CSMD1: variants seen among roughly 807,000 people sequenced by gnomAD.
CSMD1 encodes CUB and Sushi multiple domains 1.
Under a neutral mutation model 417.5 loss-of-function variants are expected in CSMD1, and 213 were observed. The ratio of observed to expected loss-of-function variants is 0.51; its 90% CI spans 0.46 to 0.57. The LOEUF is 0.57. Ranked by LOEUF, CSMD1 falls within the 20% of genes least tolerant of loss-of-function variation. CSMD1 has a pLI of 0.00. For synonymous variants in CSMD1, 2,862 were observed against 1,736.8 expected (o/e 1.65, Z -16.11); for missense variants, 6,923 against 4,529.7 (o/e 1.53, Z -15.17).
intron 1 of CSMD1, among the ~76,000 whole-genome samples, chr8:4,786,213 T>G (rs1797394520): frequency 2.6e-5 from 4 of 152,198 alleles, no homozygotes; most frequent in Admixed American, 2.6e-4. Flanking sequence ...GAATCTTATT[T>G]CACCAATTCA....
At chr8:4,379,883 T>C (rs898225852) in intron 3 of CSMD1, among the ~76,000 whole-genome samples, 3 of 152,202 alleles carry the variant, frequency 2.0e-5, no homozygotes, top group African/African-American at 7.2e-5. Flanking sequence ...GGCATGCTGA[T>C]GGAAGCCGTG....
intron 51 of CSMD1, among the ~76,000 whole-genome samples, chr8:3,021,524 T>C (rs1192272462): frequency 6.6e-6 from 1 of 152,226 alleles, no homozygotes; most frequent in Non-Finnish European, 1.5e-5. Context: ...TTGCCTTTTT[T>C]TCATTTCATT....
intron 5 of CSMD1, among the ~76,000 whole-genome samples, chr8:3,971,220 C>T (rs1813064480): frequency 6.6e-6 from 1 of 152,180 alleles, no homozygotes; most frequent in East Asian, 1.9e-4. Flanking sequence ...GGCGCTGCTT[C>T]TGCCTACAGA....
At chr8:3,785,557 A>G (rs1177776039) in intron 5 of CSMD1, among the ~76,000 whole-genome samples, 2 of 152,232 alleles carry the variant, frequency 1.3e-5, no homozygotes, top group African/African-American at 4.8e-5. Context: ...GCTTGAAGGG[A>G]GAGGTAAGCG....
intron 3 of CSMD1, among the ~76,000 whole-genome samples, chr8:4,332,922 A>C (rs954156820): frequency 6.8e-6 from 1 of 146,680 alleles, no homozygotes; most frequent in African/African-American, 2.6e-5. Flanking sequence ...CTTTACTATC[A>C]CATTTTTTTC....
At chr8:3,404,267 G>A (rs548942034) in intron 15 of CSMD1, among the ~76,000 whole-genome samples, 33 of 152,056 alleles carry the variant, frequency 2.2e-4, no homozygotes, top group Admixed American at 1.0e-3. Flanking sequence ...TCTGGGAGGC[G>A]GAGGTTGCAG....
At chr8:4,615,285 C>T (rs760626675) in intron 2 of CSMD1, among the ~76,000 whole-genome samples, 2 of 152,198 alleles carry the variant, frequency 1.3e-5, no homozygotes, top group South Asian at 4.1e-4. Flanking sequence ...ATGAAATAAT[C>T]TCTTCACATT....
At chr8:3,668,017 A>T (rs1211479047) in intron 7 of CSMD1, among the ~76,000 whole-genome samples, 4 of 152,124 alleles carry the variant, frequency 2.6e-5, no homozygotes, top group Non-Finnish European at 5.9e-5. Flanking sequence ...CCTCAGAGCA[A>T]GCTGGCTTCT....
intron 2 of CSMD1, among the ~76,000 whole-genome samples, chr8:4,460,947 C>A (rs1409282847): frequency 2.0e-5 from 3 of 151,000 alleles, no homozygotes; most frequent in Non-Finnish European, 4.4e-5. Flanking sequence ...ATATCAAAGC[C>A]AGACATAGTT....
intron 2 of CSMD1, among the ~76,000 whole-genome samples, chr8:4,533,420 G>C (rs1022489592): frequency 2.0e-5 from 3 of 152,140 alleles, no homozygotes; most frequent in Non-Finnish European, 2.9e-5. Context: ...ACAAAAAAGG[G>C]GACTTTTGCT....
At chr8:3,115,985 T>A (rs530189828) in intron 42 of CSMD1, among the ~76,000 whole-genome samples, 2 of 152,198 alleles carry the variant, frequency 1.3e-5, no homozygotes, top group African/African-American at 4.8e-5. Flanking sequence ...ACATGTTACA[T>A]GAAGATACTG....
At chr8:3,721,192 C>T (rs891379863) in intron 6 of CSMD1, among the ~76,000 whole-genome samples, 3 of 152,174 alleles carry the variant, frequency 2.0e-5, no homozygotes, top group East Asian at 1.9e-4. Flanking sequence ...CCAGCCTCTG[C>T]GTGATTTTCA....
At chr8:4,691,594 C>G (rs1036311385) in intron 1 of CSMD1, among the ~76,000 whole-genome samples, 8 of 152,172 alleles carry the variant, frequency 5.3e-5, no homozygotes, top group Admixed American at 5.2e-4. Context: ...ACTTCTCCTT[C>G]CAGGAACTGT....
intron 26 of CSMD1, among the ~76,000 whole-genome samples, chr8:3,254,547 C>G (rs1472634869): frequency 2.0e-5 from 3 of 152,144 alleles, no homozygotes; most frequent in African/African-American, 7.2e-5. Context: ...CACATAGTCC[C>G]ATATTTCTTG....
chr8:4,111,618 A>G (rs1451337225), intron 3 of CSMD1, among the ~76,000 whole-genome samples: 2 of 152,164 alleles, frequency 1.3e-5, no homozygotes, highest in Non-Finnish European at 2.9e-5. Flanking sequence ...TGTCCTTTGT[A>G]GGGACGTGGA....
chr8:4,590,512 A>G (rs539114046), intron 2 of CSMD1, among the ~76,000 whole-genome samples: 1 of 152,262 alleles, frequency 6.6e-6, no homozygotes, highest in East Asian at 1.9e-4. Flanking sequence ...CATATATTTG[A>G]AGCGCTAGCA....
rs559542748 is a variant in CSMD1, at chr8:3,648,327, G to C, written c.1010-31530C>G. 4.2e-4 allele frequency among the ~76,000 whole-genome samples: 64 copies of C among 152,160 alleles called. No individual in the cohort carries two copies. The Middle Eastern group carries it at 0.031, about 73-fold the overall frequency. Reference sequence around the variant, plus strand: ...AAATTGCCTTGCTGAAATAATAGTTGTTGCTATATTGAACAATATTTTGGT... The same window carrying C: ...AAATTGCCTTGCTGAAATAATAGTTCTTGCTATATTGAACAATATTTTGGT... On this transcript the variant is annotated intron_variant, in intron 7 of 69. Coordinates refer to ENST00000635120, the MANE Select transcript of CSMD1 (RefSeq NM_033225.6).
chr8:3,362,055 G>C (rs1306331547), intron 20 of CSMD1, among the ~76,000 whole-genome samples: 1 of 151,804 alleles, frequency 6.6e-6, no homozygotes, highest in East Asian at 1.9e-4. Flanking sequence ...TTTGTTCTTG[G>C]AGTTTATCCT....
chr8:4,309,406 A>C (rs976201309), intron 3 of CSMD1, among the ~76,000 whole-genome samples: 8 of 152,128 alleles, frequency 5.3e-5, no homozygotes, highest in Non-Finnish European at 1.0e-4. Flanking sequence ...AAAGCTTTGG[A>C]AATTTGAAAG....
Sources: gnomAD v4.1 joint callset for allele counts (sites outside exome capture counted in the v4.1 genomes callset) on GRCh38, gnomAD v4.1.1 for gene constraint, MANE v1.5 for transcripts, NCBI Gene and HGNC (gene_info 2026-07-23, HGNC 2026-07-21) for gene names.